Variants in SNX29 observed in about 807,000 individuals in gnomAD.
The protein encoded by SNX29 is sorting nexin 29.
A neutral mutation model predicts 102.1 loss-of-function variants in SNX29; 78 were observed. That is an observed-to-expected ratio of 0.76 (90% CI 0.64 to 0.92). The LOEUF (loss-of-function observed/expected upper bound fraction) is 0.92, where lower values mean the gene tolerates loss of function less well. Ranked by LOEUF, SNX29 falls within the 40% of genes least tolerant of loss-of-function variation. SNX29 has a pLI of 0.00. For synonymous variants in SNX29, 580 were observed against 414.5 expected, an observed-to-expected ratio of 1.40 and a Z score of -4.85; for missense variants, 1,280 against 1,061.7, an observed-to-expected ratio of 1.21 and a Z score of -2.86.
intron 9 of SNX29, among the ~76,000 whole-genome samples, chr16:12,063,364 A>ATGTTTTTTTTTTT (rs1567173140): frequency 2.1e-5 from 1 of 48,230 alleles, no homozygotes; most frequent in Non-Finnish European, 4.4e-5. Context: ...TTCCTAGTCC[A>ATGTTTTTTTTTTT]TCTTTTTTTT....
At position 12,270,289 on chromosome 16, in the gene SNX29, T is replaced by C. The variant is rs567721134; in HGVS notation, c.1679-7644T>C. Among the ~76,000 whole-genome samples the C allele has an allele frequency of 1.6e-4, 25 of 152,346 alleles. No homozygotes were observed. In the South Asian group the frequency reaches 5.2e-3, roughly 32 times the overall value. ...TTTGACTTTCAGAATTCAGTCACAATTGATTCTTTACGAATTGATTGGTTT... is the reference window on the plus strand; with the variant it reads ...TTTGACTTTCAGAATTCAGTCACAACTGATTCTTTACGAATTGATTGGTTT... On this transcript the variant is annotated intron_variant, in intron 14 of 20. Transcript: ENST00000566228.
chr16:12,015,239 CT>C (rs956109363), intron 3 of SNX29, among the ~76,000 whole-genome samples: 1 of 150,934 alleles, frequency 6.6e-6, no homozygotes, highest in African/African-American at 2.4e-5. Flanking sequence ...AGTTATAGTT[CT>C]TTTTTTTTAA....
Position 12,122,552 on chromosome 16 carries a change from C to T in SNX29, c.1403-4081C>T, listed in dbSNP as rs978470101. On this transcript the variant is annotated intron_variant, in intron 11 of 20. Transcript: ENST00000566228. ...GCCAGGCCTTCCAGACACTGGGAAA[C>T]AGCCTGTGCCAAGACACAGAGGCAC... 4.6e-5 allele frequency among the ~76,000 whole-genome samples: 7 copies of T among 152,088 alleles called. No homozygotes were observed. In the East Asian group the frequency reaches 1.2e-3, roughly 25 times the overall value.
At chr16:12,074,806 C>G (rs1166296893) in intron 10 of SNX29, among the ~76,000 whole-genome samples, 4 of 152,256 alleles carry the variant, frequency 2.6e-5, no homozygotes, top group East Asian at 1.9e-4. Flanking sequence ...GTACACCAAT[C>G]AGATGCAGAT....
intron 2 of SNX29, 38 bp from the exon 3 acceptor site, chr16:12,002,953 C>T: frequency 6.2e-7 from 1 of 1,613,648 alleles, no homozygotes; most frequent in Non-Finnish European, 8.5e-7. Flanking sequence ...AGTGTCCCAT[C>T]CCAACAGCTG....
chr16:12,471,195 T>C (rs564361673), intron 18 of SNX29, among the ~76,000 whole-genome samples: 1 of 152,346 alleles, frequency 6.6e-6, no homozygotes, highest in Admixed American at 6.5e-5. Flanking sequence ...ATCTTCATTC[T>C]TTCTGTCTGT....
At chr16:12,523,209 C>T (rs1285254827) in intron 19 of SNX29, among the ~76,000 whole-genome samples, 10 of 152,180 alleles carry the variant, frequency 6.6e-5, no homozygotes, top group Non-Finnish European at 1.5e-4. Flanking sequence ...TGGGCCAGCT[C>T]TGTGCCTGCA....
chr16:12,294,003 A>T (rs1566974), intron 15 of SNX29, among the ~76,000 whole-genome samples: 19,434 of 152,248 alleles, frequency 0.13, 1,434 homozygotes, highest in South Asian at 0.32. Flanking sequence ...GGTCAGGGTC[A>T]TGTAGGTGCT....
At chr16:12,492,946 G>A (rs1248962599) in intron 19 of SNX29, among the ~76,000 whole-genome samples, 1 of 152,232 alleles carries the variant, frequency 6.6e-6, no homozygotes, top group Non-Finnish European at 1.5e-5. Flanking sequence ...TTGTAGTATA[G>A]TTTGAAGTCA....
intron 15 of SNX29, among the ~76,000 whole-genome samples, chr16:12,281,632 C>T (rs142535845): frequency 1.3e-5 from 2 of 152,156 alleles, no homozygotes; most frequent in African/African-American, 4.8e-5. Context: ...ACTGTTAGAT[C>T]CAGGCACTGT....
At chr16:11,985,732 A>T (rs949600515) in intron 1 of SNX29, among the ~76,000 whole-genome samples, 1 of 151,376 alleles carries the variant, frequency 6.6e-6, no homozygotes, top group Non-Finnish European at 1.5e-5. Context: ...GTAATTTTGG[A>T]TGGGGTGGTT....
intron 18 of SNX29, among the ~76,000 whole-genome samples, chr16:12,431,091 A>T (rs574904906): frequency 6.6e-6 from 1 of 152,252 alleles, no homozygotes; most frequent in Non-Finnish European, 1.5e-5. Flanking sequence ...ATCTCAGGTG[A>T]TCCACCCACC....
At position 12,473,604 on chromosome 16, in the gene SNX29, C is replaced by T. The variant is rs111853614; in HGVS notation, c.2038-4115C>T. 3.1e-3 allele frequency among the ~76,000 whole-genome samples: 477 copies of T among 152,292 alleles called. 6 individuals carry two copies. Among genetic ancestry groups the T allele is most frequent in the African/African-American group, 0.011 (448 of 41,556 alleles). ...CTGGGTAAAGTGAGGCTGAGACCTA[C>T]TGGGCTGCATTTTCGGACGGTTAGG... On this transcript the variant is annotated intron_variant, in intron 18 of 20. Transcript: ENST00000566228.
intron 14 of SNX29, among the ~76,000 whole-genome samples, chr16:12,228,287 A>G (rs948165549): frequency 2.0e-5 from 3 of 152,238 alleles, no homozygotes; most frequent in African/African-American, 2.4e-5. Flanking sequence ...CATGGCAGGC[A>G]TCATTAATCA....
At chr16:12,151,846 C>T (rs1597053132) in intron 13 of SNX29, among the ~76,000 whole-genome samples, 1 of 152,202 alleles carries the variant, frequency 6.6e-6, no homozygotes. Flanking sequence ...AGTGATTCTC[C>T]TGCCTCAGCC....
chr16:12,412,322 C>G (rs916394301), intron 18 of SNX29, among the ~76,000 whole-genome samples: 1 of 152,230 alleles, frequency 6.6e-6, no homozygotes, highest in Non-Finnish European at 1.5e-5. Flanking sequence ...ATGCCTCTGT[C>G]TGCTCCACGT....
chr16:12,194,966 C>T (rs980526695), intron 13 of SNX29, among the ~76,000 whole-genome samples: 4 of 152,054 alleles, frequency 2.6e-5, no homozygotes, highest in Admixed American at 2.0e-4. Flanking sequence ...TTAAAAAGTG[C>T]TCTAGTAAAG....
chr16:12,239,441 T>C (rs2078033629), intron 14 of SNX29, among the ~76,000 whole-genome samples: 1 of 152,078 alleles, frequency 6.6e-6, no homozygotes, highest in Admixed American at 6.6e-5. Flanking sequence ...TATTTACTTT[T>C]GTCTCCCAAA....
intron 18 of SNX29, among the ~76,000 whole-genome samples, chr16:12,475,313 A>G (rs1159330225): frequency 6.6e-6 from 1 of 152,198 alleles, no homozygotes; most frequent in Non-Finnish European, 1.5e-5. Context: ...TTTGGAAAGG[A>G]CTACCTTCTC....
Sources: gnomAD v4.1 joint callset for allele counts (sites outside exome capture counted in the v4.1 genomes callset) on GRCh38, gnomAD v4.1.1 for gene constraint, MANE v1.5 for transcripts, NCBI Gene and HGNC (gene_info 2026-07-23, HGNC 2026-07-21) for gene names.